The following BRSK1 variants were observed in gnomAD, a reference collection of about 807,000 sequenced individuals.
BRSK1 encodes the protein BR serine/threonine kinase 1, also known as serine/threonine-protein kinase BRSK1.
BRSK1 carries 17 observed loss-of-function variants against 86.2 expected under a neutral mutation model. That is an observed-to-expected ratio of 0.20 (90% CI 0.14 to 0.30). The LOEUF is 0.30. Among genes scored for constraint, BRSK1 ranks in the 10% least tolerant of loss-of-function variants. The pLI, the probability that BRSK1 is intolerant of heterozygous loss-of-function variation, is 1.00. For missense variants in BRSK1, 719 were observed against 1,071.9 expected (o/e 0.67, Z 4.60); for synonymous variants, 464 against 440.1 (o/e 1.05, Z -0.68).
At position 55,302,746 on chromosome 19, in the gene BRSK1, C is replaced by A. The variant is rs144130246; in HGVS notation, c.907C>A (p.Arg303=). The A allele has an allele frequency of 1.2e-6, 2 of 1,613,096 alleles. No individual in the cohort carries two copies. The highest frequency in any genetic ancestry group is 4.5e-5 in the East Asian group (2 of 44,860). The part of the protein sequence containing the change: ...DPCLEPAPGR[R]VAMRSLPSNG... The stretch of plus-strand genomic sequence containing the variant: ...GTGCCTGGAGCCAGCCCCTGGCCGC[C>A]GGGTAGCCATGCGGAGCCTGCCATC... The change falls in exon 10 of 19, where the codon CGG becomes AGG. Residue 303 remains arginine, a synonymous_variant. Transcript: ENST00000309383. This position sits in a 1 kb window ranked among gnomAD's most constrained non-coding sequence, Gnocchi z 6.3.
chr19:55,289,947 T>C (rs777829550), intron 4 of BRSK1, among the ~76,000 whole-genome samples: 2 of 152,288 alleles, frequency 1.3e-5, no homozygotes, highest in South Asian at 2.1e-4. Flanking sequence ...TTACCTATTC[T>C]AGACGTTTTA....
Position 55,310,614 on chromosome 19 carries a change from G to GGAT in BRSK1, c.2180-1295_2180-1293dup, listed in dbSNP as rs959105691. On this transcript the variant is annotated intron_variant, in intron 18 of 18. Coordinates refer to ENST00000309383, the MANE Select transcript of BRSK1 (RefSeq NM_032430.2). The surrounding 1 kb of genome is among the most constrained non-coding windows in gnomAD (Gnocchi z 5.0). ...CTCCCCTCAACTGGGGAAAACAGGG[G>GGAT]GATGCCAATGGCCTCTTGTAGGTGG... Among the ~76,000 whole-genome samples the GGAT allele has an allele frequency of 1.3e-5, 2 of 152,260 alleles. No individual in the cohort carries two copies. Among genetic ancestry groups the GGAT allele is most frequent in the Middle Eastern group, 6.8e-3 (2 of 294 alleles).
At chr19:55,298,209 C>CTTTTTTTTTTTTTTTTTTTTTTTTTTTTT (rs71181751) in intron 7 of BRSK1, among the ~76,000 whole-genome samples, 1 of 69,622 alleles carries the variant, frequency 1.4e-5, no homozygotes, top group Non-Finnish European at 2.6e-5. Context: ...TTTGTTTCTT[C>CTTTTTTTTTTTTTTTTTTTTTTTTTTTTT]TTTTTTTTTT....
At chr19:55,288,065 G>A (rs2088345883) in intron 3 of BRSK1, 1 of 153,070 alleles carries the variant, frequency 6.5e-6, no homozygotes, top group Non-Finnish European at 1.5e-5. Context: ...TGTGGTGGTA[G>A]GGAGGGGCTA....
Position 55,303,654 on chromosome 19 carries a change from T to G in BRSK1, c.1127-13T>G. ...AACCATCTCTTGATTGGGTTGAAAC[T>G]GTTGTCCCTCAGACCCCCCCCGGAA... On this transcript the variant is annotated splice_polypyrimidine_tract_variant and intron_variant, in intron 11 of 18. Transcript: ENST00000309383. The surrounding 1 kb of genome is among the most constrained non-coding windows in gnomAD (Gnocchi z 5.1). The G allele has an allele frequency of 6.3e-7, 1 of 1,587,672 alleles. No individual in the cohort carries two copies. Among genetic ancestry groups the G allele is most frequent in the Non-Finnish European group, 8.6e-7 (1 of 1,166,574 alleles).
rs1280638628 is a variant in BRSK1, at chr19:55,304,637, G to A, written c.1434G>A (p.Leu478=). The A allele has an allele frequency of 2.0e-6, 3 of 1,531,728 alleles. No individual in the cohort carries two copies. The highest frequency in any genetic ancestry group is 2.6e-6 in the Non-Finnish European group (3 of 1,142,564). 94.9% of individuals were successfully genotyped at this position (1,531,728 alleles called of 1,614,324 possible). The stretch of plus-strand genomic sequence containing the variant: ...CCCCGACTTCCAAAACGCAGACGCT[G>A]CCTTCTCGGGGCCCCAGGGGTGGGG... ...GGSPTSKTQT[L]PSRGPRGGGA... is the part of the protein sequence containing the mutation. Residue 478 remains leucine, a synonymous_variant, in exon 14 of 19, where the codon CTG becomes CTA. Coordinates refer to ENST00000309383, the MANE Select transcript of BRSK1 (RefSeq NM_032430.2). The surrounding 1 kb of genome is among the most constrained non-coding windows in gnomAD (Gnocchi z 5.2).
intron 8 of BRSK1, 91 bp downstream of exon 8, chr19:55,301,749 C>T (rs974545671): frequency 4.9e-6 from 7 of 1,443,206 alleles, no homozygotes; most frequent in African/African-American, 2.8e-5. Flanking sequence ...TTTCCAGAAC[C>T]TGCTCGTCAG....
At chr19:55,290,985 A>G (rs1034731941) in intron 4 of BRSK1, among the ~76,000 whole-genome samples, 2 of 114,020 alleles carry the variant, frequency 1.8e-5, no homozygotes, top group African/African-American at 7.3e-5. Context: ...CTTTTGCCCA[A>G]CTCAAGGTCA....
Position 55,312,109 on chromosome 19 carries a change from C to G in BRSK1, c.*41C>G. The stretch of plus-strand genomic sequence containing the variant: ...GAGGGAGGGGACCCCCCTCCACCCC[C>G]CTTCCGTGCCCCCCAACTGTGAATC... On this transcript the variant is annotated 3_prime_UTR_variant, in exon 19 of 19. Coordinates refer to ENST00000309383, the MANE Select transcript of BRSK1 (RefSeq NM_032430.2). 3 of 883,714 alleles carry G rather than the reference C, an allele frequency of 3.4e-6. No homozygotes were observed. The highest frequency in any genetic ancestry group is 3.1e-5 in the East Asian group (1 of 32,742). The allele number at this position is 883,714 out of a possible 1,614,324, so 54.7% of individuals were successfully genotyped here. A position where few individuals can be genotyped will look rare whatever the true frequency, so the allele number is the denominator to read the frequency against.
In BRSK1 at chr19:55,302,090, T is replaced by A. The variant is rs768892600; in HGVS notation, c.826-47T>A. 1 of 1,612,460 alleles carries A rather than the reference T, an allele frequency of 6.2e-7. No individual in the cohort carries two copies. The highest frequency in any genetic ancestry group is 8.5e-7 in the Non-Finnish European group (1 of 1,178,546). On this transcript the variant is annotated intron_variant, in intron 8 of 18. Transcript: ENST00000309383. This position sits in a 1 kb window ranked among gnomAD's most constrained non-coding sequence, Gnocchi z 6.3. ...CAGTCTTTCATTGCGCGCCTACATG[T>A]GCCTACGACCTCACTTCTGCTTCTC...
rs373804801 is a variant in BRSK1 at position 55,308,624 on chromosome 19, C to T, written c.2090-15C>T. ...GACCCCCAGTCAGTGTTTTTCTGCCCGCCTGTGCCTCTAGGTCCCAGCCGT... is the reference window on the plus strand; with the variant it reads ...GACCCCCAGTCAGTGTTTTTCTGCCTGCCTGTGCCTCTAGGTCCCAGCCGT... On this transcript the variant is annotated splice_polypyrimidine_tract_variant and intron_variant, in intron 17 of 18. Coordinates refer to ENST00000309383, the MANE Select transcript of BRSK1 (RefSeq NM_032430.2). 184 of 1,606,792 alleles carry T rather than the reference C, an allele frequency of 1.1e-4. No homozygotes were observed. The highest frequency in any genetic ancestry group is 1.4e-4 in the Non-Finnish European group (169 of 1,175,598).
chr19:55,288,207 G>A (rs879808434), intron 3 of BRSK1, among the ~76,000 whole-genome samples: 3 of 152,136 alleles, frequency 2.0e-5, no homozygotes, highest in Non-Finnish European at 2.9e-5. Flanking sequence ...GGGGCCAGGC[G>A]CGGTGGCTCA....
chr19:55,295,375 A>G (rs1276596166), intron 7 of BRSK1, among the ~76,000 whole-genome samples: 1 of 152,098 alleles, frequency 6.6e-6, no homozygotes, highest in Non-Finnish European at 1.5e-5. Context: ...TGCCCACCTC[A>G]GTCTCCCAAA....
intron 7 of BRSK1, among the ~76,000 whole-genome samples, chr19:55,298,807 G>A (rs78163596): frequency 1.4e-3 from 206 of 152,302 alleles, no homozygotes; most frequent in East Asian, 4.8e-3. Flanking sequence ...CTGAAGTGCC[G>A]TCTGGTGTTC....
chr19:55,284,604 G>C, intron 1 of BRSK1, 26 bp downstream of exon 1: 1 of 1,262,384 alleles, frequency 7.9e-7, no homozygotes, highest in Non-Finnish European at 1.0e-6. Flanking sequence ...GGGGACACCT[G>C]GGGCGGGGGG....
intron 17 of BRSK1, among the ~76,000 whole-genome samples, chr19:55,307,409 C>T (rs11880353): frequency 0.056 from 8,513 of 151,770 alleles, 761 homozygotes; most frequent in African/African-American, 0.19. Context: ...ATAAGCCTCG[C>T]GTGGTGGTGG....
rs2088589255 is a variant in BRSK1, at chr19:55,302,665, C to T, written c.858-32C>T. The T allele has an allele frequency of 6.3e-7, 1 of 1,585,036 alleles. No individual in the cohort carries two copies. Among genetic ancestry groups the T allele is most frequent in the Non-Finnish European group, 8.6e-7 (1 of 1,162,090 alleles). On this transcript the variant is annotated intron_variant, in intron 9 of 18. Coordinates refer to ENST00000309383, the MANE Select transcript of BRSK1 (RefSeq NM_032430.2). This position sits in a 1 kb window ranked among gnomAD's most constrained non-coding sequence, Gnocchi z 6.3. ...TGAAGAATGCTGAATCTCAGAAGCC[C>T]GGTTCCCAATAATGTTTCTCCACTT...
At position 55,286,981 on chromosome 19, in the gene BRSK1, C is replaced by T. The variant is rs200965088; in HGVS notation, c.137-26C>T. The T allele has an allele frequency of 1.3e-4, 207 of 1,612,124 alleles. No individual in the cohort carries two copies. In the African/African-American group the frequency reaches 2.2e-3, roughly 17 times the overall value. ...GGACGAAGGGGACCCGGCGGAACAC[C>T]CCACATTTTCACCCTGCTCCTGCAG... is the stretch of plus-strand genomic sequence containing the variant. On this transcript the variant is annotated intron_variant, in intron 1 of 18. Transcript: ENST00000309383.
At chr19:55,286,870 A>G in intron 1 of BRSK1, 137 bp from the exon 2 acceptor site, 3 of 711,986 alleles carry the variant, frequency 4.2e-6, no homozygotes, top group Admixed American at 2.2e-5. Context: ...CCAGGAGTTC[A>G]GGTCTGATGT....
Sources: gnomAD v4.1 joint callset for allele counts (sites outside exome capture counted in the v4.1 genomes callset) on GRCh38, gnomAD v4.1.1 for gene constraint, Gnocchi (gnomAD v3.1) non-coding constraint, MANE v1.5 for transcripts, NCBI Gene and HGNC (gene_info 2026-07-23, HGNC 2026-07-21) for gene names.